The following ZNF425 variants were observed in gnomAD, a reference collection of about 807,000 sequenced individuals.
ZNF425 encodes the protein zinc finger protein 425.
Under a neutral mutation model 17.0 loss-of-function variants are expected in ZNF425, and 21 were observed. That is an observed-to-expected ratio of 1.23 (90% CI 0.88 to 1.78). The LOEUF is 1.78. Ranked by LOEUF, ZNF425 falls within the 40% of genes most tolerant of loss-of-function variation. ZNF425 has a pLI of 0.00. For synonymous variants in ZNF425, 433 were observed against 384.1 expected (o/e 1.13, Z -1.49); for missense variants, 868 against 967.3 (o/e 0.90, Z 1.36).
intron 1 of ZNF425, among the ~76,000 whole-genome samples, chr7:149,123,919 C>T (rs1211081982): frequency 2.0e-5 from 3 of 150,328 alleles, no homozygotes; most frequent in African/African-American, 7.3e-5. Flanking sequence ...GCCATCTCGG[C>T]TCACTGCAAG....
intron 2 of ZNF425, among the ~76,000 whole-genome samples, chr7:149,117,604 T>C (rs2129518401): frequency 2.4e-5 from 1 of 41,300 alleles, no homozygotes; most frequent in East Asian, 0.012. Context: ...AATACACTTC[T>C]TTTAAAAAAA....
intron 3 of ZNF425, 29 bp from the exon 4 acceptor site, chr7:149,105,595 C>G: frequency 6.7e-7 from 1 of 1,483,942 alleles, no homozygotes; most frequent in Non-Finnish European, 8.9e-7. Context: ...TCACTCTCAT[C>G]AGTGATATGT....
intron 1 of ZNF425, chr7:149,118,793 C>T: frequency 4.9e-6 from 1 of 203,632 alleles, no homozygotes; most frequent in South Asian, 7.2e-5. Context: ...CCAGCCTGGG[C>T]TACAGAGTGA....
At chr7:149,110,956 G>A (rs1001419438) in intron 3 of ZNF425, among the ~76,000 whole-genome samples, 2 of 151,534 alleles carry the variant, frequency 1.3e-5, no homozygotes, top group African/African-American at 2.4e-5. Context: ...CAACACCCCC[G>A]GCTAATTTTT....
At chr7:149,125,342 G>A (rs996096415) in intron 1 of ZNF425, among the ~76,000 whole-genome samples, 7 of 152,014 alleles carry the variant, frequency 4.6e-5, no homozygotes, top group Non-Finnish European at 1.0e-4. Flanking sequence ...CTCTAAAACC[G>A]GTGCTCAAAT....
intron 3 of ZNF425, 43 bp from the exon 4 acceptor site, chr7:149,105,609 C>T (rs1382243275): frequency 7.0e-7 from 1 of 1,430,304 alleles, no homozygotes; most frequent in Non-Finnish European, 9.2e-7. Context: ...GATATGTCTA[C>T]CCTATAAATG....
chr7:149,121,051 T>C (rs1009702941), intron 1 of ZNF425, among the ~76,000 whole-genome samples: 7 of 151,780 alleles, frequency 4.6e-5, no homozygotes, highest in Admixed American at 1.3e-4. Flanking sequence ...CAAACTATAT[T>C]CCAGAGTGGC....
chr7:149,115,337 C>T (rs1020542548), intron 2 of ZNF425, among the ~76,000 whole-genome samples: 1 of 151,834 alleles, frequency 6.6e-6, no homozygotes, highest in Non-Finnish European at 1.5e-5. Context: ...GAAAGTAATG[C>T]AGTCTAGTGG....
chr7:149,103,921 C>A lies in ZNF425; in HGVS notation c.1950G>T (p.Gln650His). The A allele has an allele frequency of 6.2e-7, 1 of 1,613,992 alleles. No homozygotes were observed. Among genetic ancestry groups the A allele is most frequent in the Non-Finnish European group, 8.5e-7 (1 of 1,180,008 alleles). The change falls in exon 4 of 4, where the codon CAG becomes CAT. Residue 650 changes from glutamine (Q) to histidine (H), a missense_variant. Gln to His is a conservative substitution (Grantham distance 24, BLOSUM62 0). This residue lies in a region of ZNF425 where 437 missense variants were observed against 444.2 expected (regional missense o/e 0.98). Transcript: ENST00000378061. ...CTCGAATGTGTTCTGTGAGCCGGTA[C>A]TGTTGAGTGAAACTTTTGCCGCACA... is the stretch of plus-strand genomic sequence containing the variant. Reference protein sequence around the residue: ...CVMCGKSFTQQYRLTEHIRVH... With the variant: ...CVMCGKSFTQHYRLTEHIRVH...
chr7:149,107,934 C>T lies in ZNF425; in HGVS notation c.305-2368G>A, dbSNP rs192884359. Among the ~76,000 whole-genome samples the T allele has an allele frequency of 3.3e-5, 5 of 151,852 alleles. No individual in the cohort carries two copies. The East Asian group carries it at 9.7e-4, about 29-fold the overall frequency. On this transcript the variant is annotated intron_variant, in intron 3 of 3. Coordinates refer to ENST00000378061, the MANE Select transcript of ZNF425 (RefSeq NM_001001661.3). ...AGGCTAGAGTGCAGTGGCATGATCA[C>T]ATTTCACTGCAGCCTTGACCTCCAG...
At chr7:149,107,810 C>T (rs908829455) in intron 3 of ZNF425, among the ~76,000 whole-genome samples, 3 of 151,276 alleles carry the variant, frequency 2.0e-5, no homozygotes, top group African/African-American at 7.3e-5. Context: ...AAAGTCTTGT[C>T]GAACTGGATA....
Position 149,112,705 on chromosome 7 carries a change from A to T in ZNF425, c.146-410T>A, listed in dbSNP as rs540940312. 8.5e-4 allele frequency among the ~76,000 whole-genome samples: 129 copies of T among 152,138 alleles called. 1 individual carries two copies. Among genetic ancestry groups the T allele is most frequent in the African/African-American group, 2.9e-3 (121 of 41,530 alleles). ...TTTTGAGACAGGGTCTCACTCTGTCACCCATGCTGGAGTGCAGTGGTACAA... is the reference window on the plus strand; with the variant it reads ...TTTTGAGACAGGGTCTCACTCTGTCTCCCATGCTGGAGTGCAGTGGTACAA... On this transcript the variant is annotated intron_variant, in intron 2 of 3. Coordinates refer to ENST00000378061, the MANE Select transcript of ZNF425 (RefSeq NM_001001661.3).
At chr7:149,124,526 T>TGTTG (rs1826420312) in intron 1 of ZNF425, among the ~76,000 whole-genome samples, 1 of 150,780 alleles carries the variant, frequency 6.6e-6, no homozygotes, top group Non-Finnish European at 1.5e-5. Context: ...CCCATATTTT[T>TGTTG]TTGTTGTTGT....
chr7:149,108,798 A>T (rs947193176), intron 3 of ZNF425, among the ~76,000 whole-genome samples: 1 of 152,090 alleles, frequency 6.6e-6, no homozygotes, highest in Non-Finnish European at 1.5e-5. Context: ...AGGCTGAGGC[A>T]GGGGAATCGT....
chr7:149,124,530 TTGTTG>T (rs1826421085), intron 1 of ZNF425, among the ~76,000 whole-genome samples: 1 of 149,472 alleles, frequency 6.7e-6, no homozygotes, highest in Non-Finnish European at 1.5e-5. Context: ...TATTTTTTTG[TTGTTG>T]TTGTTGTTGT....
chr7:149,114,776 CTG>C (rs202226681), intron 2 of ZNF425, among the ~76,000 whole-genome samples: 1,631 of 140,504 alleles, frequency 0.012, 29 homozygotes, highest in African/African-American at 0.04. Flanking sequence ...TATGAGAACA[CTG>C]TGAGTAAAAA....
chr7:149,106,729 T>C lies in ZNF425; in HGVS notation c.305-1163A>G, dbSNP rs77865283. 1.4e-3 allele frequency among the ~76,000 whole-genome samples: 209 copies of C among 152,314 alleles called. No individual in the cohort carries two copies. In the East Asian group the frequency reaches 0.033, roughly 24 times the overall value. ...TTCATAGTTCACATCTTGTGAACTATAGGGTAAGCAGAAGTTGGAGACAGT... is the reference window on the plus strand; with the variant it reads ...TTCATAGTTCACATCTTGTGAACTACAGGGTAAGCAGAAGTTGGAGACAGT... On this transcript the variant is annotated intron_variant, in intron 3 of 3. Coordinates refer to ENST00000378061, the MANE Select transcript of ZNF425 (RefSeq NM_001001661.3).
At chr7:149,110,479 T>C (rs1490034556) in intron 3 of ZNF425, among the ~76,000 whole-genome samples, 1 of 151,256 alleles carries the variant, frequency 6.6e-6, no homozygotes, top group African/African-American at 2.4e-5. Flanking sequence ...GGCAGGAGAA[T>C]TGCTTGAACC....
chr7:149,122,427 T>C (rs7794500), intron 1 of ZNF425, among the ~76,000 whole-genome samples: 90,395 of 151,876 alleles, frequency 0.6, 28,384 homozygotes, highest in East Asian at 0.9. Context: ...GAGCTCTTTA[T>C]GTAGTCTAGA....
Sources: allele counts gnomAD v4.1 joint callset (sites outside exome capture counted in the v4.1 genomes callset), GRCh38; gene constraint gnomAD v4.1.1; regional missense constraint gnomAD v4.1.1; transcripts MANE v1.5; gene names NCBI Gene and HGNC (gene_info 2026-07-23, HGNC 2026-07-21).